Variants in SLAIN1 observed in about 807,000 individuals in gnomAD.
The protein encoded by SLAIN1 is SLAIN family member 1.
In SLAIN1, 17 loss-of-function variants were observed where a neutral mutation model predicts 55.4. The ratio of observed to expected loss-of-function variants is 0.31; its 90% CI spans 0.21 to 0.46. SLAIN1 has a LOEUF of 0.46. Among genes scored for constraint, SLAIN1 ranks in the 20% least tolerant of loss-of-function variants. The pLI is 1.00. For missense variants in SLAIN1, 682 were observed against 785.1 expected, an observed-to-expected ratio of 0.87 and a Z score of 1.57; for synonymous variants, 348 against 337.4, an observed-to-expected ratio of 1.03 and a Z score of -0.35.
At chr13:77,733,865 T>C (rs1289182074) in intron 2 of SLAIN1, among the ~76,000 whole-genome samples, 3 of 152,232 alleles carry the variant, frequency 2.0e-5, no homozygotes, top group Non-Finnish European at 2.9e-5. Context: ...AAATATTGGA[T>C]CAGATAAGCT....
At position 77,698,831 on chromosome 13, in the gene SLAIN1, C is replaced by A; in HGVS notation, c.626+292C>A. 3 of 1,467,146 alleles carry A rather than the reference C, an allele frequency of 2.0e-6. No homozygotes were observed. Among genetic ancestry groups the A allele is most frequent in the Non-Finnish European group, 1.8e-6 (2 of 1,103,800 alleles). The allele number at this position is 1,467,146 out of a possible 1,614,324, so 90.9% of individuals were successfully genotyped here. On this transcript the variant is annotated intron_variant, in intron 1 of 6. Transcript: ENST00000418532. The surrounding 1 kb of genome is among the most constrained non-coding windows in gnomAD (Gnocchi z 4.1). Reference sequence around the variant, plus strand: ...TATTTGCTGATTGTTGGGTCCCAAGCTCCTCGTTAGCATTAAGTGCAAAAT... The same window carrying A: ...TATTTGCTGATTGTTGGGTCCCAAGATCCTCGTTAGCATTAAGTGCAAAAT...
chr13:77,727,436 G>T (rs1187644382), intron 2 of SLAIN1, among the ~76,000 whole-genome samples: 1 of 117,132 alleles, frequency 8.5e-6, no homozygotes, highest in African/African-American at 4.3e-5. Flanking sequence ...TTTAAGTTGG[G>T]CAAAAAAAAA....
chr13:77,718,188 C>G (rs2091226729), intron 1 of SLAIN1, among the ~76,000 whole-genome samples: 1 of 151,868 alleles, frequency 6.6e-6, no homozygotes, highest in Admixed American at 6.6e-5. Flanking sequence ...CAAACTGTCT[C>G]AAGGGCAAAT....
At chr13:77,712,969 C>G (rs899878684) in intron 1 of SLAIN1, among the ~76,000 whole-genome samples, 5 of 152,214 alleles carry the variant, frequency 3.3e-5, no homozygotes, top group Admixed American at 3.3e-4. Context: ...AAAGGATTCC[C>G]TATTTAATAA....
At chr13:77,747,238 G>T (rs1389905937) in intron 4 of SLAIN1, among the ~76,000 whole-genome samples, 1 of 151,598 alleles carries the variant, frequency 6.6e-6, no homozygotes, top group Non-Finnish European at 1.5e-5. Context: ...ACCCGGCCAA[G>T]AAATGGTTTT....
rs1825740455 is a variant in SLAIN1, at chr13:77,746,695, T to G, written c.1098T>G (p.Pro366=). The change falls in exon 4 of 7, where the codon CCT becomes CCG. Residue 366 remains proline (P), a synonymous_variant. Transcript: ENST00000418532. ...AGCCTCGTCTTCCAAGATGTTCCCC[T>G]TTCCAAAGAGGAATTCCCCATTCAC... ...PPQPRLPRCS[P]FQRGIPHSQT... is the part of the protein sequence containing the mutation. 6.2e-7 allele frequency: 1 copy of G among 1,613,820 alleles called. No homozygotes were observed. Among genetic ancestry groups the G allele is most frequent in the Non-Finnish European group, 8.5e-7 (1 of 1,179,818 alleles).
chr13:77,734,354 G>A (rs1300821413), intron 2 of SLAIN1, among the ~76,000 whole-genome samples: 1 of 152,108 alleles, frequency 6.6e-6, no homozygotes, highest in Non-Finnish European at 1.5e-5. Context: ...GGATTCCTCT[G>A]TTTGGCTTGG....
In SLAIN1 at chr13:77,744,408, A is replaced by G; in HGVS notation, c.892A>G (p.Ile298Val). 6.2e-7 allele frequency: 1 copy of G among 1,612,456 alleles called. No homozygotes were observed. The highest frequency in any genetic ancestry group is 8.5e-7 in the Non-Finnish European group (1 of 1,179,232). Residue 298 changes from isoleucine (I) to valine (V), a missense_variant, in exon 3 of 7, where the codon ATC becomes GTC. Ile to Val is a conservative substitution (Grantham distance 29). This residue lies in a region of SLAIN1 where 37 missense variants were observed against 72.6 expected (regional missense o/e 0.51). Transcript: ENST00000418532. The stretch of plus-strand genomic sequence containing the variant: ...ATTACAGGACCTCACTGATGTTCAG[A>G]TCATGGCTCGTCTGCAAGAAGAAAG... The part of the protein sequence containing the change: ...YKLQDLTDVQ[I>V]MARLQEESLR...
intron 4 of SLAIN1, among the ~76,000 whole-genome samples, chr13:77,748,217 G>T (rs1382910154): frequency 1.3e-5 from 2 of 151,902 alleles, no homozygotes; most frequent in Non-Finnish European, 2.9e-5. Context: ...TTAAAATTTT[G>T]TATTTGTAAT....
chr13:77,706,486 G>A (rs1232889054), intron 1 of SLAIN1, among the ~76,000 whole-genome samples: 1 of 151,952 alleles, frequency 6.6e-6, no homozygotes, highest in Non-Finnish European at 1.5e-5. Flanking sequence ...TACACATTTG[G>A]CAGTCTGTTA....
chr13:77,736,110 T>G (rs752610519), intron 2 of SLAIN1, among the ~76,000 whole-genome samples: 2 of 152,094 alleles, frequency 1.3e-5, no homozygotes, highest in Middle Eastern at 3.2e-3. Flanking sequence ...GTTCCAGAGA[T>G]ATGCTTTTCA....
At chr13:77,726,470 A>G (rs1300154187) in intron 2 of SLAIN1, among the ~76,000 whole-genome samples, 1 of 152,016 alleles carries the variant, frequency 6.6e-6, no homozygotes, top group Non-Finnish European at 1.5e-5. Context: ...TCTATTGCCT[A>G]GGCTGGAGTG....
At chr13:77,751,083 A>G (rs1874175636) in intron 4 of SLAIN1, among the ~76,000 whole-genome samples, 1 of 152,146 alleles carries the variant, frequency 6.6e-6, no homozygotes, top group Non-Finnish European at 1.5e-5. Flanking sequence ...TTTTGACTTG[A>G]ATGCCTTTTG....
chr13:77,759,885 A>G (rs575758314), intron 5 of SLAIN1, among the ~76,000 whole-genome samples: 1 of 152,126 alleles, frequency 6.6e-6, no homozygotes, highest in Admixed American at 6.6e-5. Flanking sequence ...TTTTTTAAGG[A>G]AAAAAAATTT....
At chr13:77,744,937 G>A (rs1873711933) in intron 3 of SLAIN1, among the ~76,000 whole-genome samples, 1 of 152,008 alleles carries the variant, frequency 6.6e-6, no homozygotes, top group Non-Finnish European at 1.5e-5. Flanking sequence ...ACAACATCTT[G>A]CTTGAAGCTC....
chr13:77,759,970 TC>T (rs1374868812), intron 5 of SLAIN1, among the ~76,000 whole-genome samples: 1 of 152,190 alleles, frequency 6.6e-6, no homozygotes, highest in East Asian at 1.9e-4. Flanking sequence ...TGGGTCTTTT[TC>T]CCCCTTATAT....
intron 2 of SLAIN1, among the ~76,000 whole-genome samples, chr13:77,729,053 G>T (rs1379598773): frequency 2.6e-5 from 4 of 152,142 alleles, no homozygotes; most frequent in Non-Finnish European, 4.4e-5. Flanking sequence ...ATAGCTGTGG[G>T]ATTTCATCAC....
rs2154409550 is a variant in SLAIN1 at position 77,714,133 on chromosome 13, G to A, written c.627-5399G>A. 2.0e-5 allele frequency among the ~76,000 whole-genome samples: 3 copies of A among 152,090 alleles called. 1 individual carries two copies. Among genetic ancestry groups the A allele is most frequent in the Middle Eastern group, 6.8e-3 (2 of 294 alleles). ...CGTGTATACCTGTGTAAAAAATCCT[G>A]CACCTTCTGCACATATATCCCAGAA... is the stretch of plus-strand genomic sequence containing the variant. On this transcript the variant is annotated intron_variant, in intron 1 of 6. Transcript: ENST00000418532.
chr13:77,756,069 T>C (rs1594297213), intron 5 of SLAIN1, among the ~76,000 whole-genome samples: 1 of 152,190 alleles, frequency 6.6e-6, no homozygotes, highest in East Asian at 1.9e-4. Context: ...TTCTTAATCA[T>C]AAATTCTTTG....
Sources: allele counts gnomAD v4.1 joint callset (sites outside exome capture counted in the v4.1 genomes callset), GRCh38; gene constraint gnomAD v4.1.1; regional missense constraint gnomAD v4.1.1; non-coding constraint Gnocchi (gnomAD v3.1); transcripts MANE v1.5; gene names NCBI Gene and HGNC (gene_info 2026-07-23, HGNC 2026-07-21).